The following USP40 variants were observed in gnomAD, a reference collection of about 807,000 sequenced individuals.
USP40 encodes ubiquitin specific peptidase 40, also known as ubiquitin carboxyl-terminal hydrolase 40.
A neutral mutation model predicts 166.2 loss-of-function variants in USP40; 143 were observed. The observed-to-expected ratio is 0.86, with a 90% CI of 0.75 to 0.99. The LOEUF is 0.99. USP40 is among the 50% of genes least tolerant of loss of function. USP40 has a pLI of 0.00. For synonymous variants in USP40, 498 were observed against 524.0 expected (o/e 0.95, Z 0.68); for missense variants, 1,444 against 1,479.7 (o/e 0.98, Z 0.40).
At chr2:233,538,238 A>C (rs2069082957) in intron 10 of USP40, among the ~76,000 whole-genome samples, 1 of 152,144 alleles carries the variant, frequency 6.6e-6, no homozygotes, top group South Asian at 2.1e-4. Context: ...AGAATAGAGG[A>C]GAAATAGAAA....
rs2064513440 is a variant in USP40, at chr2:233,480,588, G to GT, written c.3599+614dup. Among the ~76,000 whole-genome samples the GT allele has an allele frequency of 2.0e-5, 3 of 152,276 alleles. No homozygotes were observed. The highest frequency in any genetic ancestry group is 2.9e-5 in the Non-Finnish European group (2 of 68,058). ...GCAGCACCTGCTTCCTCCAGTGGCA[G>GT]TAAGTGCAGAGCCAGACAACGGCAG... is the stretch of plus-strand genomic sequence containing the variant. On this transcript the variant is annotated intron_variant, in intron 31 of 31. Coordinates refer to ENST00000678225, the MANE Select transcript of USP40 (RefSeq NM_001365479.2). This position sits in a 1 kb window ranked among gnomAD's most constrained non-coding sequence, Gnocchi z 4.5.
chr2:233,545,228 A>G (rs563592409), intron 8 of USP40, among the ~76,000 whole-genome samples: 1 of 152,334 alleles, frequency 6.6e-6, no homozygotes, highest in East Asian at 1.9e-4. Context: ...GCTTGAAGAA[A>G]TTTATGACAA....
At chr2:233,557,170 T>G (rs2071172683) in intron 4 of USP40, among the ~76,000 whole-genome samples, 151 bp from the exon 5 acceptor site, 1 of 152,234 alleles carries the variant, frequency 6.6e-6, no homozygotes, top group South Asian at 2.1e-4. Flanking sequence ...CTGAGCTGGT[T>G]AAGAGATTAC....
chr2:233,540,825 T>A, intron 9 of USP40, 56 bp from the exon 10 acceptor site: 1 of 1,284,718 alleles, frequency 7.8e-7, no homozygotes, highest in Non-Finnish European at 1.1e-6. Context: ...ATTGCATACT[T>A]AACAAATTCA....
rs2067589901 is a variant in USP40, at chr2:233,520,685, AT to A, written c.2325+305del. ...TACAGAAAAGACCCTTGAAAACAGC[AT>A]TTTCAAGGAAGCCAAAGAATTTCAT... On this transcript the variant is annotated intron_variant, in intron 17 of 31. Coordinates refer to ENST00000678225, the MANE Select transcript of USP40 (RefSeq NM_001365479.2). Among the ~76,000 whole-genome samples, 3 of 152,308 alleles carry A rather than the reference AT, an allele frequency of 2.0e-5. No individual in the cohort carries two copies. In the South Asian group the frequency reaches 6.2e-4, roughly 32 times the overall value.
At chr2:233,523,694 T>C (rs192133322) in intron 15 of USP40, among the ~76,000 whole-genome samples, 9 of 152,316 alleles carry the variant, frequency 5.9e-5, no homozygotes, top group Non-Finnish European at 1.3e-4. Flanking sequence ...AGGAGAAATC[T>C]ATGATAGACT....
At chr2:233,556,833 T>C in intron 5 of USP40, 22 bp downstream of exon 5, 1 of 1,599,266 alleles carries the variant, frequency 6.3e-7, no homozygotes, top group Non-Finnish European at 8.5e-7. Context: ...AACTTATTAC[T>C]AAAATACTCT....
chr2:233,512,471 A>G, intron 19 of USP40, 98 bp downstream of exon 19: 1 of 715,308 alleles, frequency 1.4e-6, no homozygotes. Context: ...ATCAGTTTCC[A>G]AAAGGTAATT....
At chr2:233,497,691 T>C (rs2065827876) in intron 23 of USP40, among the ~76,000 whole-genome samples, 1 of 152,226 alleles carries the variant, frequency 6.6e-6, no homozygotes, top group Admixed American at 6.5e-5. Context: ...GCTGAAGCTA[T>C]TTGGGTAAAT....
chr2:233,540,792 T>C, intron 9 of USP40, 23 bp from the exon 10 acceptor site: 1 of 1,566,388 alleles, frequency 6.4e-7, no homozygotes. Context: ...ACACAGTCAC[T>C]CAAGAAAATC....
At chr2:233,549,787 C>T (rs1389985419) in intron 7 of USP40, among the ~76,000 whole-genome samples, 8 of 152,066 alleles carry the variant, frequency 5.3e-5, no homozygotes, top group Non-Finnish European at 1.5e-5. Context: ...CTAATTATGA[C>T]TATCAACTGT....
In USP40 at chr2:233,521,174, C is replaced by T. The variant is rs1575282305; in HGVS notation, c.2202-60G>A. Reference sequence around the variant, plus strand: ...CTTTCCTTAGGCATCACTTCCAAAACTCTGCATGTGTCACTTAATGTGACT... The same window carrying T: ...CTTTCCTTAGGCATCACTTCCAAAATTCTGCATGTGTCACTTAATGTGACT... On this transcript the variant is annotated intron_variant, in intron 16 of 31. Coordinates refer to ENST00000678225, the MANE Select transcript of USP40 (RefSeq NM_001365479.2). 7.1e-6 allele frequency: 11 copies of T among 1,543,518 alleles called. No homozygotes were observed. In the East Asian group the frequency reaches 2.3e-4, roughly 32 times the overall value.
chr2:233,552,377 A>G (rs906948237), intron 6 of USP40, among the ~76,000 whole-genome samples: 1 of 152,196 alleles, frequency 6.6e-6, no homozygotes, highest in Non-Finnish European at 1.5e-5. Context: ...ATTTAGCAGT[A>G]CAGCCAAACA....
intron 21 of USP40, among the ~76,000 whole-genome samples, chr2:233,505,759 C>A (rs1428167965): frequency 2.0e-5 from 3 of 152,078 alleles, no homozygotes; most frequent in African/African-American, 7.2e-5. Flanking sequence ...AATATCAATT[C>A]TCCTCAAACT....
Position 233,493,261 on chromosome 2 carries a change from GTTATTA to G in USP40, c.2917+158_2917+163del. The G allele has an allele frequency of 1.1e-6, 1 of 944,708 alleles. No individual in the cohort carries two copies. Among genetic ancestry groups the G allele is most frequent in the East Asian group, 2.6e-5 (1 of 38,128 alleles). The allele number at this position is 944,708 out of a possible 1,614,324, so 58.5% of individuals were successfully genotyped here. ...AGAGCACGTACAGAAATGGCACAGT[GTTATTA>G]TTATGTGATGTCTGGAATGACTTAT... is the stretch of plus-strand genomic sequence containing the variant. On this transcript the variant is annotated intron_variant, in intron 25 of 31. Coordinates refer to ENST00000678225, the MANE Select transcript of USP40 (RefSeq NM_001365479.2). The surrounding 1 kb of genome is among the most constrained non-coding windows in gnomAD (Gnocchi z 4.7).
intron 16 of USP40, 82 bp from the exon 17 acceptor site, chr2:233,521,196 G>A: frequency 1.2e-5 from 18 of 1,476,952 alleles, no homozygotes; most frequent in Non-Finnish European, 1.5e-5. Flanking sequence ...CACTTAATGT[G>A]ACTAATTAGA....
chr2:233,533,901 G>T (rs1436469363), intron 10 of USP40, 122 bp from the exon 11 acceptor site: 4 of 1,021,502 alleles, frequency 3.9e-6, no homozygotes, highest in African/African-American at 3.3e-5. Flanking sequence ...TTTCTGACCT[G>T]GCCAGCTACG....
In USP40 at chr2:233,565,462, T is replaced by C. The variant is rs754042049; in HGVS notation, c.93A>G (p.Pro31=). Residue 31 remains proline, a synonymous_variant, in exon 2 of 32, where the codon CCA becomes CCG. Coordinates refer to ENST00000678225, the MANE Select transcript of USP40 (RefSeq NM_001365479.2). ...AATTGGTGAATTCTCTAGGAGCAGG[T>C]GGCTCCAAAGCTTTAGTCTTTAATT... ...GKKLKTKALE[P]PAPREFTNLS... is the part of the protein sequence containing the mutation. 2 of 1,537,316 alleles carry C rather than the reference T, an allele frequency of 1.3e-6. No homozygotes were observed. The highest frequency in any genetic ancestry group is 1.2e-5 in the South Asian group (1 of 84,058).
At position 233,496,751 on chromosome 2, in the gene USP40, A is replaced by G; in HGVS notation, c.2790+7T>C. 6.2e-7 allele frequency: 1 copy of G among 1,610,326 alleles called. No homozygotes were observed. Among genetic ancestry groups the G allele is most frequent in the African/African-American group, 1.3e-5 (1 of 74,962 alleles). ...TAAGAGTTGTCTATTCAGAAGTAAA[A>G]TCTTACCAGAGGAGGAAGTTGTCCT... On this transcript the variant is annotated splice_region_variant and intron_variant, in intron 24 of 31. Coordinates refer to ENST00000678225, the MANE Select transcript of USP40 (RefSeq NM_001365479.2).
Sources: allele counts gnomAD v4.1 joint callset (sites outside exome capture counted in the v4.1 genomes callset), GRCh38; gene constraint gnomAD v4.1.1; non-coding constraint Gnocchi (gnomAD v3.1); transcripts MANE v1.5; gene names NCBI Gene and HGNC (gene_info 2026-07-23, HGNC 2026-07-21).